OSBPL5: variants seen among roughly 807,000 people sequenced by gnomAD.
The protein encoded by OSBPL5 is oxysterol binding protein like 5.
In OSBPL5, 71 loss-of-function variants were observed where a neutral mutation model predicts 111.2. The ratio of observed to expected loss-of-function variants is 0.64; its 90% CI spans 0.53 to 0.78. The LOEUF is 0.78. OSBPL5 is among the 30% of genes least tolerant of loss of function. The probability of loss-of-function intolerance (pLI) is 0.00; values close to 1 mark genes in which losing one functional copy is unlikely to be tolerated. For missense variants in OSBPL5, 1,210 were observed against 1,189.3 expected (o/e 1.02, Z -0.26); for synonymous variants, 549 against 513.9 (o/e 1.07, Z -0.93).
intron 1 of OSBPL5, among the ~76,000 whole-genome samples, chr11:3,138,354 C>G (rs3927056): frequency 0.83 from 126,083 of 152,202 alleles, 52,829 homozygotes; most frequent in African/African-American, 0.89. Flanking sequence ...GCTAGACCCA[C>G]CCCACCTGTC....
chr11:3,097,564 C>G (rs1361417390), intron 14 of OSBPL5, among the ~76,000 whole-genome samples: 1 of 152,142 alleles, frequency 6.6e-6, no homozygotes, highest in Non-Finnish European at 1.5e-5. Context: ...AAATTAGAAT[C>G]CCAAGGTTTT....
intron 10 of OSBPL5, 129 bp from the exon 11 acceptor site, chr11:3,103,449 C>T (rs891467207): frequency 1.6e-5 from 12 of 745,996 alleles, no homozygotes; most frequent in Admixed American, 1.1e-4. Flanking sequence ...TTGGCCCAGG[C>T]GCTCTGGTCA....
At chr11:3,137,799 C>A (rs1448560597) in intron 1 of OSBPL5, among the ~76,000 whole-genome samples, 5 of 152,210 alleles carry the variant, frequency 3.3e-5, no homozygotes, top group Admixed American at 2.6e-4. Flanking sequence ...CAAAGTGACA[C>A]CCTCATCACA....
intron 7 of OSBPL5, among the ~76,000 whole-genome samples, chr11:3,115,666 C>T (rs963435925): frequency 1.3e-5 from 2 of 152,052 alleles, no homozygotes; most frequent in African/African-American, 2.4e-5. Flanking sequence ...GCATATGGGC[C>T]CCTGTGTCAG....
intron 1 of OSBPL5, among the ~76,000 whole-genome samples, chr11:3,145,392 T>A (rs1468818486): frequency 6.6e-6 from 1 of 152,060 alleles, no homozygotes; most frequent in Admixed American, 6.6e-5. Context: ...CCAGGCCACT[T>A]CACGAGCCCC....
At chr11:3,093,286 G>C in intron 17 of OSBPL5, 1 of 753,746 alleles carries the variant, frequency 1.3e-6, no homozygotes. Context: ...TGCACCTGTT[G>C]GTCACTCGCC....
chr11:3,133,777 G>C (rs1437761591), intron 1 of OSBPL5, among the ~76,000 whole-genome samples: 1 of 152,256 alleles, frequency 6.6e-6, no homozygotes, highest in Non-Finnish European at 1.5e-5. Flanking sequence ...GGCTTGGGAG[G>C]AAGGAGCCCC....
chr11:3,135,275 G>C (rs1845919536), intron 1 of OSBPL5, among the ~76,000 whole-genome samples: 1 of 152,238 alleles, frequency 6.6e-6, no homozygotes, highest in African/African-American at 2.4e-5. Context: ...GACTACTCAA[G>C]CACCTCTGGA....
rs1564820565 is a variant in OSBPL5, at chr11:3,092,308, TG to T, written c.2259+123del. 7.7e-7 allele frequency: 1 copy of T among 1,303,176 alleles called. No individual in the cohort carries two copies. The allele number at this position is 1,303,176 out of a possible 1,614,324, so 80.7% of individuals were successfully genotyped here. ...AGAGAAGGAAAGGGGACGAGGGGGCTGGGGGATGAGGGCGTGAGGGAAACGG... is the reference window on the plus strand; with the variant it reads ...AGAGAAGGAAAGGGGACGAGGGGGCTGGGGATGAGGGCGTGAGGGAAACGG... On this transcript the variant is annotated intron_variant, in intron 19 of 21. Coordinates refer to ENST00000263650, the MANE Select transcript of OSBPL5 (RefSeq NM_020896.4). This position sits in a 1 kb window ranked among gnomAD's most constrained non-coding sequence, Gnocchi z 5.4.
chr11:3,102,414 A>C (rs1376051040), intron 11 of OSBPL5, 133 bp from the exon 12 acceptor site: 6 of 757,858 alleles, frequency 7.9e-6, no homozygotes, highest in Non-Finnish European at 1.4e-5. Flanking sequence ...TGCTGCTAGC[A>C]TCTGGGAACA....
chr11:3,089,587 C>T (rs183973143), intron 21 of OSBPL5, among the ~76,000 whole-genome samples: 8 of 152,204 alleles, frequency 5.3e-5, no homozygotes, highest in African/African-American at 1.9e-4. Flanking sequence ...CTCTAGGCTT[C>T]AGGACATCTC....
chr11:3,094,575 C>T, intron 14 of OSBPL5: 1 of 451,298 alleles, frequency 2.2e-6, no homozygotes, highest in Non-Finnish European at 4.0e-6. Context: ...AGGCACGGAG[C>T]CTGGGAGGCA....
rs1856993124 is a variant in OSBPL5, at chr11:3,089,750, GC to G, written c.2501+95del. The G allele has an allele frequency of 3.4e-6, 4 of 1,172,332 alleles. No homozygotes were observed. In the Admixed American group the frequency reaches 8.2e-5, roughly 24 times the overall value. 72.6% of individuals were successfully genotyped at this position (1,172,332 alleles called of 1,614,324 possible). Reference sequence around the variant, plus strand: ...TCCAGCTCCGATGACAACCCCAGCCGCGGCCTCCTGGCCTCCCCACCTCCCG... The same window carrying G: ...TCCAGCTCCGATGACAACCCCAGCCGGGCCTCCTGGCCTCCCCACCTCCCG... On this transcript the variant is annotated intron_variant, in intron 21 of 21. Coordinates refer to ENST00000263650, the MANE Select transcript of OSBPL5 (RefSeq NM_020896.4).
At chr11:3,115,299 T>C (rs1285382203) in intron 7 of OSBPL5, among the ~76,000 whole-genome samples, 1 of 152,140 alleles carries the variant, frequency 6.6e-6, no homozygotes, top group Non-Finnish European at 1.5e-5. Flanking sequence ...GATATTAAAA[T>C]TTTTTTTAAA....
At chr11:3,139,297 C>CA (rs57921368) in intron 1 of OSBPL5, among the ~76,000 whole-genome samples, 18,284 of 152,218 alleles carry the variant, frequency 0.12, 1,212 homozygotes, top group African/African-American at 0.17. Context: ...CGGGTGGCCC[C>CA]GGGGCTGGGG....
In OSBPL5 at chr11:3,142,061, T is replaced by C. The variant is rs1846136762; in HGVS notation, c.-21-12892A>G. Among the ~76,000 whole-genome samples the C allele has an allele frequency of 6.6e-6, 1 of 152,324 alleles. No individual in the cohort carries two copies. The highest frequency in any genetic ancestry group is 1.9e-4 in the East Asian group (1 of 5,174). On this transcript the variant is annotated intron_variant, in intron 1 of 21. Transcript: ENST00000263650. This position sits in a 1 kb window ranked among gnomAD's most constrained non-coding sequence, Gnocchi z 7.1. ...CCGCGTTGCTGGGACTACAGGCACC[T>C]GCCACGATGACCGGCTAAAATTTTT...
At chr11:3,094,384 C>T in intron 14 of OSBPL5, 50 bp from the exon 15 acceptor site, 1 of 1,502,238 alleles carries the variant, frequency 6.7e-7, no homozygotes. Flanking sequence ...CCTGCTGAGC[C>T]CCAGGCCCTG....
At chr11:3,124,766 CGG>C (rs1858546500) in intron 3 of OSBPL5, among the ~76,000 whole-genome samples, 2 of 151,986 alleles carry the variant, frequency 1.3e-5, no homozygotes, top group South Asian at 4.2e-4. Context: ...CCATTCACAC[CGG>C]CAGCTGGGGG....
chr11:3,098,040 C>T (rs547166802), intron 14 of OSBPL5, among the ~76,000 whole-genome samples: 1 of 152,186 alleles, frequency 6.6e-6, no homozygotes, highest in Non-Finnish European at 1.5e-5. Flanking sequence ...TGCACTCCAG[C>T]CCGGGCAACA....
Sources: allele counts gnomAD v4.1 joint callset (sites outside exome capture counted in the v4.1 genomes callset), GRCh38; gene constraint gnomAD v4.1.1; non-coding constraint Gnocchi (gnomAD v3.1); transcripts MANE v1.5; gene names NCBI Gene and HGNC (gene_info 2026-07-23, HGNC 2026-07-21).